The following CAMKMT variants were observed in gnomAD, a reference collection of about 807,000 sequenced individuals.
CAMKMT encodes the protein CaM KMT.
In CAMKMT, 53 loss-of-function variants were observed where a neutral mutation model predicts 48.0. That is an observed-to-expected ratio of 1.10 (90% CI 0.89 to 1.39). The LOEUF (loss-of-function observed/expected upper bound fraction) is 1.39. CAMKMT is among the 40% of genes most tolerant of loss of function. CAMKMT has a pLI of 0.00. For synonymous variants in CAMKMT, 165 were observed against 152.3 expected, an observed-to-expected ratio of 1.08 and a Z score of -0.61; for missense variants, 428 against 402.7, an observed-to-expected ratio of 1.06 and a Z score of -0.54.
intron 3 of CAMKMT, among the ~76,000 whole-genome samples, chr2:44,415,132 A>C (rs1467483905): frequency 1.3e-5 from 2 of 152,160 alleles, no homozygotes; most frequent in Admixed American, 6.5e-5. Context: ...GCCTGGTGAT[A>C]GAGTGAGACT....
chr2:44,523,763 A>G (rs1165446951), intron 3 of CAMKMT, among the ~76,000 whole-genome samples: 1 of 141,420 alleles, frequency 7.1e-6, no homozygotes, highest in Non-Finnish European at 1.5e-5. Context: ...GCCTCCAGAG[A>G]GCGAGCATTT....
chr2:44,449,064 G>T (rs1396900871), intron 3 of CAMKMT, among the ~76,000 whole-genome samples: 4 of 152,088 alleles, frequency 2.6e-5, no homozygotes. Flanking sequence ...TTGCACACCT[G>T]TGTAAATACA....
intron 3 of CAMKMT, among the ~76,000 whole-genome samples, chr2:44,605,445 C>T (rs1671230540): frequency 6.6e-6 from 1 of 151,986 alleles, no homozygotes; most frequent in Admixed American, 6.6e-5. Context: ...GTGATTTTGG[C>T]AGATGGAATC....
Position 44,621,893 on chromosome 2 carries a change from T to C in CAMKMT, c.377-82390T>C, listed in dbSNP as rs186923043. Among the ~76,000 whole-genome samples the C allele has an allele frequency of 2.0e-5, 3 of 152,294 alleles. No homozygotes were observed. In the East Asian group the frequency reaches 5.8e-4, roughly 29 times the overall value. ...AAAAGACTATTGCATTATTCTAAGT[T>C]AGAGATGATAGTCATTTGGATTGTG... On this transcript the variant is annotated intron_variant, in intron 3 of 10. Coordinates refer to ENST00000378494, the MANE Select transcript of CAMKMT (RefSeq NM_024766.5).
intron 1 of CAMKMT, among the ~76,000 whole-genome samples, chr2:44,372,514 G>C (rs1679281268): frequency 6.7e-6 from 1 of 150,340 alleles, no homozygotes; most frequent in Admixed American, 6.6e-5. Context: ...CACTGTCTTT[G>C]CTCTCTGATG....
At chr2:44,421,621 T>G (rs998617399) in intron 3 of CAMKMT, among the ~76,000 whole-genome samples, 3 of 152,172 alleles carry the variant, frequency 2.0e-5, no homozygotes, top group East Asian at 3.8e-4. Flanking sequence ...TAAAGTTTGT[T>G]TAATATTCAT....
At chr2:44,480,216 TG>T (rs1668896667) in intron 3 of CAMKMT, among the ~76,000 whole-genome samples, 1 of 152,180 alleles carries the variant, frequency 6.6e-6, no homozygotes. Context: ...GACACAGAAC[TG>T]AGGATGTAAG....
At chr2:44,489,414 T>G (rs1669376998) in intron 3 of CAMKMT, among the ~76,000 whole-genome samples, 1 of 151,924 alleles carries the variant, frequency 6.6e-6, no homozygotes, top group Non-Finnish European at 1.5e-5. Context: ...CCCAGCTAAT[T>G]TTTGTATTTT....
intron 3 of CAMKMT, among the ~76,000 whole-genome samples, chr2:44,480,154 A>T (rs1266336894): frequency 6.6e-6 from 1 of 152,200 alleles, no homozygotes; most frequent in Non-Finnish European, 1.5e-5. Context: ...GAGTGATTTT[A>T]TAACTCTCTT....
chr2:44,500,163 A>G (rs1009523454), intron 3 of CAMKMT, among the ~76,000 whole-genome samples: 1 of 152,172 alleles, frequency 6.6e-6, no homozygotes, highest in Non-Finnish European at 1.5e-5. Flanking sequence ...AGCTGTCCCT[A>G]CATGTCTCTA....
chr2:44,550,950 C>A (rs2103650862), intron 3 of CAMKMT, among the ~76,000 whole-genome samples: 1 of 152,212 alleles, frequency 6.6e-6, no homozygotes, highest in East Asian at 1.9e-4. Context: ...CATGAATGTC[C>A]ATCTACCTAA....
At chr2:44,709,730 T>A (rs765420808) in intron 6 of CAMKMT, among the ~76,000 whole-genome samples, 3 of 152,174 alleles carry the variant, frequency 2.0e-5, no homozygotes, top group Non-Finnish European at 4.4e-5. Flanking sequence ...ACTGTTTACA[T>A]CTTTCCTTTA....
At chr2:44,698,552 T>G (rs575899374) in intron 3 of CAMKMT, among the ~76,000 whole-genome samples, 1 of 152,346 alleles carries the variant, frequency 6.6e-6, no homozygotes, top group East Asian at 1.9e-4. Context: ...AAGATGCACA[T>G]ACCTTACTAA....
At position 44,664,762 on chromosome 2, in the gene CAMKMT, G is replaced by T. The variant is rs149699438; in HGVS notation, c.377-39521G>T. 4.6e-3 allele frequency among the ~76,000 whole-genome samples: 697 copies of T among 152,288 alleles called. 8 individuals carry two copies. The highest frequency in any genetic ancestry group is 0.016 in the African/African-American group (656 of 41,558). On this transcript the variant is annotated intron_variant, in intron 3 of 10. Transcript: ENST00000378494. ...AGTGGAGAGAAAGTTTTAAGAAGAG[G>T]TGACATTGGAACTGTGTCCTAAATT...
chr2:44,419,305 G>T (rs1471689041), intron 3 of CAMKMT, among the ~76,000 whole-genome samples: 1 of 152,198 alleles, frequency 6.6e-6, no homozygotes, highest in Non-Finnish European at 1.5e-5. Flanking sequence ...TGATGGACAT[G>T]TTGAATGTTT....
intron 10 of CAMKMT, among the ~76,000 whole-genome samples, chr2:44,771,476 A>G (rs139189543): frequency 6.6e-6 from 1 of 152,040 alleles, no homozygotes; most frequent in East Asian, 1.9e-4. Flanking sequence ...GAATGTTGCT[A>G]GTCTAATTGT....
At chr2:44,562,945 G>T (rs141822801) in intron 3 of CAMKMT, among the ~76,000 whole-genome samples, 2 of 152,262 alleles carry the variant, frequency 1.3e-5, no homozygotes, top group African/African-American at 4.8e-5. Context: ...GGTATTTGTG[G>T]TAAGATATGG....
intron 3 of CAMKMT, among the ~76,000 whole-genome samples, chr2:44,659,566 CAA>C (rs201673397): frequency 1.8e-5 from 2 of 113,644 alleles, no homozygotes; most frequent in Admixed American, 8.4e-5. Flanking sequence ...CCCATCTCTA[CAA>C]AAAAAAAAAA....
At chr2:44,747,088 A>G (rs543968346) in intron 8 of CAMKMT, among the ~76,000 whole-genome samples, 141 of 152,340 alleles carry the variant, frequency 9.3e-4, no homozygotes, top group African/African-American at 3.3e-3. Flanking sequence ...GGTATGCAGG[A>G]CAATCAGCAC....
Sources: allele counts gnomAD v4.1 joint callset (sites outside exome capture counted in the v4.1 genomes callset), GRCh38; gene constraint gnomAD v4.1.1; transcripts MANE v1.5; gene names NCBI Gene and HGNC (gene_info 2026-07-23, HGNC 2026-07-21).